HIVEP2: variants seen among roughly 807,000 people sequenced by gnomAD.
HIVEP2 encodes transcription factor HIVEP2.
HIVEP2 carries 14 observed loss-of-function variants against 180.7 expected under a neutral mutation model. The observed-to-expected ratio is 0.08, with a 90% CI of 0.05 to 0.12. The LOEUF is 0.12. Among genes scored for constraint, HIVEP2 ranks in the 10% least tolerant of loss-of-function variants. HIVEP2 has a pLI of 1.00. For synonymous variants in HIVEP2, 1,184 were observed against 1,136.4 expected (o/e 1.04, Z -0.84); for missense variants, 2,579 against 3,008.5 (o/e 0.86, Z 3.34).
chr6:142,820,085 C>T (rs937144315), intron 2 of HIVEP2, among the ~76,000 whole-genome samples: 1 of 152,192 alleles, frequency 6.6e-6, no homozygotes, highest in Non-Finnish European at 1.5e-5. Context: ...GGGGAACATA[C>T]ATCATACCAC....
At position 142,770,126 on chromosome 6, in the gene HIVEP2, A is replaced by T. The variant is rs109836; in HGVS notation, c.4613T>A (p.Leu1538Gln). The change falls in exon 5 of 10, where the codon CTG becomes CAG. Residue 1538 changes from leucine to glutamine, a missense_variant. Around this residue, in one of 11 missense-constraint regions of HIVEP2, gnomAD observed 349 missense variants for 367.2 expected, o/e 0.95. Coordinates refer to ENST00000367603, the MANE Select transcript of HIVEP2 (RefSeq NM_006734.4). The surrounding 1 kb of genome is among the most constrained non-coding windows in gnomAD (Gnocchi z 4.7). The part of the protein sequence containing the change: ...SVSPSSREPF[L>Q]PSKEMLSGSR... ...ACCGGAAAGCATCTCCTTGCTGGGC[A>T]GGAATGGCTCCCTGGAAGACGGGCT... 1 of 1,614,120 alleles carries T rather than the reference A, an allele frequency of 6.2e-7. No homozygotes were observed. Among genetic ancestry groups the T allele is most frequent in the African/African-American group, 1.3e-5 (1 of 74,944 alleles).
chr6:142,845,472 C>A (rs189125160), intron 1 of HIVEP2, among the ~76,000 whole-genome samples: 7 of 152,086 alleles, frequency 4.6e-5, no homozygotes, highest in African/African-American at 1.7e-4. Flanking sequence ...AATTATTAGG[C>A]GTAGTCCCAT....
At chr6:142,792,065 ACAGT>A (rs1776151056) in intron 2 of HIVEP2, among the ~76,000 whole-genome samples, 1 of 152,170 alleles carries the variant, frequency 6.6e-6, no homozygotes. Context: ...TATTGGAGAA[ACAGT>A]CTGTCTGCCT....
chr6:142,849,482 C>T (rs1775593897), intron 1 of HIVEP2, among the ~76,000 whole-genome samples: 1 of 151,972 alleles, frequency 6.6e-6, no homozygotes, highest in African/African-American at 2.4e-5. Flanking sequence ...AGACTATTAG[C>T]ATCATTAGCA....
chr6:142,938,947 C>T lies in HIVEP2; in HGVS notation c.-641+6152G>A, dbSNP rs147253056. Among the ~76,000 whole-genome samples, 867 of 152,202 alleles carry T rather than the reference C, an allele frequency of 5.7e-3. 8 individuals are homozygous for T. Among genetic ancestry groups the T allele is most frequent in the African/African-American group, 0.019 (798 of 41,528 alleles). On this transcript the variant is annotated intron_variant, in intron 1 of 9. Transcript: ENST00000367603. Reference sequence around the variant, plus strand: ...TAAAAAGCAGTATTCCAGTTAACCACGAAATGAATCAGTGGCCCATTCCTT... The same window carrying T: ...TAAAAAGCAGTATTCCAGTTAACCATGAAATGAATCAGTGGCCCATTCCTT...
chr6:142,869,654 A>C lies in HIVEP2; in HGVS notation c.-640-32607T>G, dbSNP rs547785784. ...TTTTAAAGCTATTTATAATCTCAGA[A>C]CCCAAAGAAATAAATGTAAAAGTGT... On this transcript the variant is annotated intron_variant, in intron 1 of 9. Coordinates refer to ENST00000367603, the MANE Select transcript of HIVEP2 (RefSeq NM_006734.4). Among the ~76,000 whole-genome samples, 3 of 152,278 alleles carry C rather than the reference A, an allele frequency of 2.0e-5. No homozygotes were observed. In the South Asian group the frequency reaches 6.2e-4, roughly 32 times the overall value.
intron 2 of HIVEP2, among the ~76,000 whole-genome samples, chr6:142,795,829 G>A (rs1338770909): frequency 6.6e-6 from 1 of 152,132 alleles, no homozygotes; most frequent in Non-Finnish European, 1.5e-5. Flanking sequence ...ACAGCAGTGG[G>A]TCACTCCTTG....
intron 1 of HIVEP2, among the ~76,000 whole-genome samples, chr6:142,854,075 T>G (rs1775757884): frequency 6.6e-6 from 1 of 152,186 alleles, no homozygotes; most frequent in Non-Finnish European, 1.5e-5. Context: ...TTTCTTAAAT[T>G]CAAGCTCTGT....
At chr6:142,894,229 C>A (rs1776929223) in intron 1 of HIVEP2, among the ~76,000 whole-genome samples, 1 of 152,178 alleles carries the variant, frequency 6.6e-6, no homozygotes, top group Admixed American at 6.5e-5. Flanking sequence ...GTGTGATCTG[C>A]TACAATCTAT....
intron 1 of HIVEP2, among the ~76,000 whole-genome samples, chr6:142,911,308 A>G (rs910097982): frequency 1.6e-4 from 25 of 152,194 alleles, no homozygotes; most frequent in Admixed American, 1.3e-3. Flanking sequence ...GAATTTAAAC[A>G]TAGCAATTTT....
At chr6:142,766,314 C>G (rs1410480051) in intron 6 of HIVEP2, among the ~76,000 whole-genome samples, 1 of 152,090 alleles carries the variant, frequency 6.6e-6, no homozygotes. Flanking sequence ...GCATGTCTTC[C>G]GTTCCTTTAA....
intron 1 of HIVEP2, among the ~76,000 whole-genome samples, chr6:142,896,461 G>A (rs1776996484): frequency 1.3e-5 from 2 of 152,112 alleles, no homozygotes; most frequent in Admixed American, 6.5e-5. Flanking sequence ...GAGGGGCTGA[G>A]AAAAAGCACC....
At chr6:142,792,892 T>C (rs1411058619) in intron 2 of HIVEP2, among the ~76,000 whole-genome samples, 2 of 152,104 alleles carry the variant, frequency 1.3e-5, no homozygotes, top group East Asian at 3.9e-4. Flanking sequence ...TGAAGCAAGA[T>C]AACTTTTCAG....
At chr6:142,876,580 C>T (rs1776444449) in intron 1 of HIVEP2, among the ~76,000 whole-genome samples, 1 of 151,980 alleles carries the variant, frequency 6.6e-6, no homozygotes, top group African/African-American at 2.4e-5. Context: ...TGCACAAGGC[C>T]AGGGAAAGTT....
chr6:142,835,101 CTA>C (rs1171425054), intron 2 of HIVEP2, among the ~76,000 whole-genome samples: 1 of 152,202 alleles, frequency 6.6e-6, no homozygotes, highest in Admixed American at 6.5e-5. Context: ...ACTGCAATGA[CTA>C]TTACCCCTAT....
intron 1 of HIVEP2, among the ~76,000 whole-genome samples, chr6:142,922,859 T>G (rs1335655234): frequency 6.6e-6 from 1 of 152,196 alleles, no homozygotes; most frequent in Admixed American, 6.5e-5. Context: ...CCTATTATTT[T>G]GCAGGTATGA....
intron 2 of HIVEP2, among the ~76,000 whole-genome samples, chr6:142,821,078 G>A (rs958686162): frequency 1.3e-5 from 2 of 152,060 alleles, no homozygotes; most frequent in Admixed American, 1.3e-4. Context: ...TTGAAATGGA[G>A]CCAGAGTCAA....
At chr6:142,759,020 G>A (rs1775150142) in intron 9 of HIVEP2, among the ~76,000 whole-genome samples, 1 of 152,154 alleles carries the variant, frequency 6.6e-6, no homozygotes, top group Admixed American at 6.5e-5. Context: ...GAGTTTTTGA[G>A]GCCAGGCGCA....
chr6:142,822,905 T>C lies in HIVEP2; in HGVS notation c.-528+14030A>G, dbSNP rs1386843217. Among the ~76,000 whole-genome samples, 4 of 152,140 alleles carry C rather than the reference T, an allele frequency of 2.6e-5. No homozygotes were observed. The East Asian group carries it at 7.7e-4, about 29-fold the overall frequency. On this transcript the variant is annotated intron_variant, in intron 2 of 9. Coordinates refer to ENST00000367603, the MANE Select transcript of HIVEP2 (RefSeq NM_006734.4). ...CAAGCCCTACCAGCCTACAGGCAAA[T>C]ACATAAGAAGTGACATTAACACCAA...
Sources: gnomAD v4.1 joint callset for allele counts (sites outside exome capture counted in the v4.1 genomes callset) on GRCh38, gnomAD v4.1.1 for gene constraint, gnomAD v4.1.1 regional missense constraint, Gnocchi (gnomAD v3.1) non-coding constraint, MANE v1.5 for transcripts, NCBI Gene and HGNC (gene_info 2026-07-23, HGNC 2026-07-21) for gene names.